PHYKPL: variants seen among roughly 807,000 people sequenced by gnomAD.
PHYKPL encodes the protein 5-phosphohydroxy-L-lysine phospho-lyase, also known as 5-phosphonooxy-L-lysine phospho-lyase.
In PHYKPL, 42 loss-of-function variants were observed where a neutral mutation model predicts 51.3. That is an observed-to-expected ratio of 0.82 (90% CI 0.64 to 1.06). PHYKPL has a LOEUF of 1.06. PHYKPL is among the 50% of genes least tolerant of loss of function. The pLI, the probability that PHYKPL is intolerant of heterozygous loss-of-function variation, is 0.00. For missense variants in PHYKPL, 655 were observed against 586.6 expected (o/e 1.12, Z -1.20); for synonymous variants, 264 against 236.0 (o/e 1.12, Z -1.09).
At position 178,213,846 on chromosome 5, in the gene PHYKPL, G is replaced by C. The variant is rs75478365; in HGVS notation, c.1173-743C>G. ...GAACAGGGCTTGGACTTTGGAGTTAGACGGCCCTGGGGCCAGATCTAGCTC... is the reference window on the plus strand; with the variant it reads ...GAACAGGGCTTGGACTTTGGAGTTACACGGCCCTGGGGCCAGATCTAGCTC... On this transcript the variant is annotated intron_variant, in intron 10 of 12. Transcript: ENST00000308158. Among the ~76,000 whole-genome samples the C allele has an allele frequency of 7.8e-3, 1,185 of 152,344 alleles. 18 individuals carry two copies. Among genetic ancestry groups the C allele is most frequent in the African/African-American group, 0.027 (1,133 of 41,568 alleles).
intron 11 of PHYKPL, among the ~76,000 whole-genome samples, chr5:178,212,618 G>A (rs1453752931): frequency 6.6e-6 from 1 of 152,222 alleles, no homozygotes; most frequent in East Asian, 1.9e-4. Flanking sequence ...TGAAACTCCT[G>A]CCATCTCTAC....
rs894717583 is a variant in PHYKPL, at chr5:178,225,442, A to G, written c.339-13T>C. ...ATTGGCTTCTGACCTATGACCGAAA[A>G]GGTGGGCATGACTGAGAGAGTAGTC... On this transcript the variant is annotated splice_polypyrimidine_tract_variant and intron_variant, in intron 3 of 12. Transcript: ENST00000308158. 2 of 1,614,034 alleles carry G rather than the reference A, an allele frequency of 1.2e-6. No individual in the cohort carries two copies. Among genetic ancestry groups the G allele is most frequent in the African/African-American group, 2.7e-5 (2 of 74,928 alleles).
intron 8 of PHYKPL, among the ~76,000 whole-genome samples, chr5:178,217,447 G>T (rs67418220): frequency 2.0e-5 from 3 of 151,406 alleles, no homozygotes; most frequent in South Asian, 2.1e-4. Flanking sequence ...TCTTAAACCC[G>T]GGACCTCAAG....
At chr5:178,232,467 C>T in intron 1 of PHYKPL, 25 bp downstream of exon 1, 2 of 1,359,384 alleles carry the variant, frequency 1.5e-6, no homozygotes, top group African/African-American at 1.5e-5. Context: ...CCGCGCCCCC[C>T]GCCGCCCGCC....
chr5:178,227,029 C>T (rs1346009162), intron 3 of PHYKPL, among the ~76,000 whole-genome samples: 1 of 152,044 alleles, frequency 6.6e-6, no homozygotes, highest in Non-Finnish European at 1.5e-5. Flanking sequence ...CCTGGGAGAG[C>T]GAGCCAGAGG....
At chr5:178,229,882 G>C (rs1763030140) in intron 3 of PHYKPL, 58 bp downstream of exon 3, 1 of 1,589,170 alleles carries the variant, frequency 6.3e-7, no homozygotes, top group East Asian at 2.3e-5. Flanking sequence ...GCCCATGTGA[G>C]TGACTGTCTT....
chr5:178,231,051 TAGCACCTG>T (rs1367664560), intron 2 of PHYKPL: 1 of 208,506 alleles, frequency 4.8e-6, no homozygotes, highest in African/African-American at 2.3e-5. Flanking sequence ...CTCCCTTGCC[TAGCACCTG>T]AGATGGCCAA....
chr5:178,228,493 AG>A (rs1762723361), intron 3 of PHYKPL: 1 of 701,492 alleles, frequency 1.4e-6, no homozygotes, highest in African/African-American at 1.7e-5. Context: ...ACCACCACTG[AG>A]GAAGCACCAG....
intron 3 of PHYKPL, 169 bp from the exon 4 acceptor site, chr5:178,225,598 AGCTGGGGG>A: frequency 1.6e-6 from 1 of 630,686 alleles, no homozygotes; most frequent in South Asian, 1.9e-5. Context: ...ATGTACTAGA[AGCTGGGGG>A]AAAAAGAGTA....
intron 12 of PHYKPL, 22 bp downstream of exon 12, chr5:178,211,868 G>C (rs746901682): frequency 1.7e-5 from 26 of 1,561,918 alleles, no homozygotes; most frequent in Non-Finnish European, 2.3e-5. Flanking sequence ...ATCTTCAAGA[G>C]TAAGAAGCAA....
intron 1 of PHYKPL, 100 bp from the exon 2 acceptor site, chr5:178,231,623 G>A (rs757918182): frequency 4.2e-5 from 67 of 1,590,438 alleles, no homozygotes; most frequent in Non-Finnish European, 4.7e-5. Flanking sequence ...GTTTCTGGTG[G>A]CGGGGGGGAA....
At chr5:178,215,142 T>C (rs759423967) in intron 9 of PHYKPL, 134 bp downstream of exon 9, 3 of 1,435,320 alleles carry the variant, frequency 2.1e-6, no homozygotes, top group South Asian at 2.4e-5. Flanking sequence ...TTTTGGGCAA[T>C]AGCACCTCTC....
In PHYKPL at chr5:178,221,731, C is replaced by T. The variant is rs117845138; in HGVS notation, c.927+624G>A. ...CTCCCTGGATCAGTCTGCCTTCCTCCAGTTCTTTCTCCACACTGAGCACCA... is the reference window on the plus strand; with the variant it reads ...CTCCCTGGATCAGTCTGCCTTCCTCTAGTTCTTTCTCCACACTGAGCACCA... On this transcript the variant is annotated intron_variant, in intron 8 of 12. Coordinates refer to ENST00000308158, the MANE Select transcript of PHYKPL (RefSeq NM_153373.4). Among the ~76,000 whole-genome samples the T allele has an allele frequency of 6.0e-4, 91 of 152,284 alleles. No homozygotes were observed. In the East Asian group the frequency reaches 0.017, roughly 28 times the overall value.
At chr5:178,228,838 C>T (rs553011981) in intron 3 of PHYKPL, among the ~76,000 whole-genome samples, 2 of 152,312 alleles carry the variant, frequency 1.3e-5, no homozygotes, top group Non-Finnish European at 2.9e-5. Context: ...TCTTGCACTC[C>T]GTTCCCTTTA....
chr5:178,232,684 C>T lies in PHYKPL; in HGVS notation c.-134G>A. The T allele has an allele frequency of 4.1e-6, 4 of 973,374 alleles. No individual in the cohort carries two copies. Among genetic ancestry groups the T allele is most frequent in the Non-Finnish European group, 5.3e-6 (4 of 756,622 alleles). The allele number at this position is 973,374 out of a possible 1,614,324, so 60.3% of individuals were successfully genotyped here. On this transcript the variant is annotated 5_prime_UTR_variant, in exon 1 of 13. Transcript: ENST00000308158. Reference sequence around the variant, plus strand: ...GGGCTCAGGTTCGCACTCGGCCCCGCCCCGAAGCGCCCGCGTTGCGGTGGT... The same window carrying T: ...GGGCTCAGGTTCGCACTCGGCCCCGTCCCGAAGCGCCCGCGTTGCGGTGGT...
chr5:178,211,160 C>CCAAG (rs1758221442), intron 12 of PHYKPL: 2 of 156,486 alleles, frequency 1.3e-5, no homozygotes, highest in Admixed American at 1.3e-4. Context: ...TTAAAAACCC[C>CCAAG]CAAGCCTGGG....
chr5:178,231,196 T>A (rs931258349), intron 2 of PHYKPL, among the ~76,000 whole-genome samples: 12 of 152,196 alleles, frequency 7.9e-5, no homozygotes, highest in African/African-American at 2.9e-4. Flanking sequence ...CTCACAGACC[T>A]AGATTGCTGA....
intron 1 of PHYKPL, 53 bp downstream of exon 1, chr5:178,232,439 G>A (rs1443587184): frequency 5.1e-6 from 7 of 1,377,096 alleles, no homozygotes; most frequent in Admixed American, 3.7e-5. Flanking sequence ...GTGCGTGCGC[G>A]TGCCTCTCCG....
At chr5:178,214,602 T>G (rs928402445) in intron 10 of PHYKPL, among the ~76,000 whole-genome samples, 194 bp downstream of exon 10, 5 of 152,186 alleles carry the variant, frequency 3.3e-5, no homozygotes, top group Admixed American at 6.5e-5. Flanking sequence ...TAACACCACT[T>G]ATCTCTGTCC....
Sources: gnomAD v4.1 joint callset for allele counts (sites outside exome capture counted in the v4.1 genomes callset) on GRCh38, gnomAD v4.1.1 for gene constraint, MANE v1.5 for transcripts, NCBI Gene and HGNC (gene_info 2026-07-23, HGNC 2026-07-21) for gene names.